The following CREB5 variants were observed in gnomAD, a reference collection of about 807,000 sequenced individuals.
CREB5 encodes the protein cyclic AMP-responsive element-binding protein 5.
Under a neutral mutation model 57.1 loss-of-function variants are expected in CREB5, and 19 were observed. That is an observed-to-expected ratio of 0.33 (90% CI 0.23 to 0.49). The LOEUF (loss-of-function observed/expected upper bound fraction) is 0.49, where lower values mean the gene tolerates loss of function less well. CREB5 is among the 20% of genes least tolerant of loss of function. The pLI is 0.99. For missense variants in CREB5, 579 were observed against 671.6 expected (o/e 0.86, Z 1.52); for synonymous variants, 238 against 238.3 (o/e 1.00, Z 0.01).
intron 5 of CREB5, among the ~76,000 whole-genome samples, chr7:28,593,313 A>G (rs1351658484): frequency 2.6e-5 from 4 of 152,136 alleles, no homozygotes; most frequent in South Asian, 4.1e-4. Context: ...CAGTGGCATG[A>G]TCTCGGCTCA....
intron 1 of CREB5, among the ~76,000 whole-genome samples, chr7:28,449,726 C>T (rs907347570): frequency 3.3e-5 from 5 of 152,138 alleles, no homozygotes; most frequent in African/African-American, 7.2e-5. Context: ...GACCTGAGGT[C>T]GTAACTCAAG....
intron 5 of CREB5, among the ~76,000 whole-genome samples, chr7:28,575,899 G>A (rs1795892126): frequency 6.6e-6 from 1 of 152,040 alleles, no homozygotes; most frequent in Non-Finnish European, 1.5e-5. Context: ...TCCACTCACG[G>A]GGTTTTATGT....
intron 5 of CREB5, among the ~76,000 whole-genome samples, chr7:28,711,796 A>G (rs1211098971): frequency 6.6e-6 from 1 of 152,210 alleles, no homozygotes; most frequent in Non-Finnish European, 1.5e-5. Context: ...AATATCTTAC[A>G]TGCAGCCAGT....
At chr7:28,432,147 T>C (rs1018293581) in intron 1 of CREB5, among the ~76,000 whole-genome samples, 2 of 152,178 alleles carry the variant, frequency 1.3e-5, no homozygotes, top group Non-Finnish European at 2.9e-5. Context: ...GTTATAATTA[T>C]GCAATGTGTT....
intron 2 of CREB5, among the ~76,000 whole-genome samples, chr7:28,490,893 C>G (rs960918628): frequency 7.3e-6 from 1 of 137,084 alleles, no homozygotes; most frequent in South Asian, 2.3e-4. Flanking sequence ...TGCTGTAAAC[C>G]CTTCTTCTTT....
At chr7:28,329,101 A>C (rs1403267553) in intron 1 of CREB5, among the ~76,000 whole-genome samples, 1 of 152,222 alleles carries the variant, frequency 6.6e-6, no homozygotes. Context: ...TCACTGGTTC[A>C]TTCTGTAAAG....
intron 1 of CREB5, among the ~76,000 whole-genome samples, chr7:28,442,714 C>T (rs1317270869): frequency 6.6e-6 from 1 of 152,018 alleles, no homozygotes; most frequent in African/African-American, 2.4e-5. Flanking sequence ...GAGTTTTAAC[C>T]ACTAAGTTGT....
At chr7:28,325,973 A>G (rs1207997551) in intron 1 of CREB5, among the ~76,000 whole-genome samples, 1 of 152,190 alleles carries the variant, frequency 6.6e-6, no homozygotes, top group African/African-American at 2.4e-5. Context: ...ATTCTGCCAC[A>G]GAAAGATGTT....
intron 7 of CREB5, among the ~76,000 whole-genome samples, chr7:28,784,678 G>A (rs11514759): frequency 1.3e-5 from 2 of 151,928 alleles, no homozygotes; most frequent in African/African-American, 4.8e-5. Flanking sequence ...GGCAGGAAAG[G>A]TTCGGATATG....
chr7:28,540,490 G>A lies in CREB5; in HGVS notation c.292-29875G>A, dbSNP rs948024720. ...AGCACAGTAGTCTGAGGCTGCACAA[G>A]GGATACGGGAGGAGGCTTCATGATT... On this transcript the variant is annotated intron_variant, in intron 4 of 10. Coordinates refer to ENST00000357727, the MANE Select transcript of CREB5 (RefSeq NM_182898.4). Among the ~76,000 whole-genome samples the A allele has an allele frequency of 2.0e-5, 3 of 152,126 alleles. No homozygotes were observed. In the East Asian group the frequency reaches 5.8e-4, roughly 29 times the overall value.
At position 28,390,474 on chromosome 7, in the gene CREB5, A is replaced by T. The variant is rs541537004; in HGVS notation, c.-25+91033A>T. Among the ~76,000 whole-genome samples, 8 of 152,330 alleles carry T rather than the reference A, an allele frequency of 5.3e-5. No individual in the cohort carries two copies. The South Asian group carries it at 1.7e-3, about 32-fold the overall frequency. On this transcript the variant is annotated intron_variant, in intron 1 of 9. Coordinates refer to the CREB5 transcript ENST00000396299. ...CTTGCCAAACGTGGTACTGAAAAGA[A>T]ATCTTTCCTTTTGGAGCCTCTGATG...
chr7:28,460,616 C>G (rs981693435), intron 1 of CREB5, among the ~76,000 whole-genome samples: 8 of 152,074 alleles, frequency 5.3e-5, no homozygotes, highest in African/African-American at 1.9e-4. Context: ...GGTGGGGTAT[C>G]CATCATGAAG....
chr7:28,743,477 G>A (rs1804495407), intron 7 of CREB5, among the ~76,000 whole-genome samples: 1 of 152,168 alleles, frequency 6.6e-6, no homozygotes, highest in African/African-American at 2.4e-5. Context: ...AGGCTGCAGT[G>A]AGCTGTGATT....
At chr7:28,412,479 C>T (rs1203959865), upstream of CREB5, 1 of 155,068 alleles carries the variant, frequency 6.4e-6, no homozygotes, top group Non-Finnish European at 1.4e-5. Flanking sequence ...TGCTGCGTAG[C>T]GCAGGAGTAT....
At chr7:28,668,376 C>T (rs371299320) in intron 5 of CREB5, among the ~76,000 whole-genome samples, 56 of 152,058 alleles carry the variant, frequency 3.7e-4, no homozygotes, top group African/African-American at 9.9e-4. Context: ...TTGTAAACAT[C>T]TCTGGACATG....
Position 28,560,941 on chromosome 7 carries a change from C to CGT in CREB5, c.292-9416_292-9415dup, listed in dbSNP as rs1301747861. ...GTGTGTGCGCGTGCGTGTGTGCGTG[C>CGT]GTGTGTGTGCGTGTGTGTGCGTGTG... is the stretch of plus-strand genomic sequence containing the variant. On this transcript the variant is annotated intron_variant, in intron 4 of 10. Coordinates refer to ENST00000357727, the MANE Select transcript of CREB5 (RefSeq NM_182898.4). Among the ~76,000 whole-genome samples, 35 of 44,664 alleles carry CGT rather than the reference C, an allele frequency of 7.8e-4. 1 individual carries two copies. The highest frequency in any genetic ancestry group is 2.7e-3 in the African/African-American group (25 of 9,234). 29.3% of individuals were successfully genotyped at this position (44,664 alleles called of 152,430 possible).
At position 28,718,748 on chromosome 7, in the gene CREB5, C is replaced by G; in HGVS notation, c.465-5C>G. On this transcript the variant is annotated splice_region_variant and splice_polypyrimidine_tract_variant and intron_variant, in intron 5 of 10. Coordinates refer to ENST00000357727, the MANE Select transcript of CREB5 (RefSeq NM_182898.4). The stretch of plus-strand genomic sequence containing the variant: ...CATGTTTGTTTGTTTTTTTCTTTGT[C>G]CCAGGCCTGTCCCAGGCTCTCTATC... 1 of 1,613,554 alleles carries G rather than the reference C, an allele frequency of 6.2e-7. No individual in the cohort carries two copies. Among genetic ancestry groups the G allele is most frequent in the Non-Finnish European group, 8.5e-7 (1 of 1,179,858 alleles).
At position 28,760,489 on chromosome 7, in the gene CREB5, G is replaced by A. The variant is rs191744479; in HGVS notation, c.702+36157G>A. Among the ~76,000 whole-genome samples the A allele has an allele frequency of 9.2e-5, 14 of 152,240 alleles. No homozygotes were observed. The East Asian group carries it at 1.9e-3, about 21-fold the overall frequency. On this transcript the variant is annotated intron_variant, in intron 7 of 10. Transcript: ENST00000357727. ...TTTTTCTTCAACCGATGCTGCCTCCGCATGTTTGTGTTCATCTGATGGGCA... is the reference window on the plus strand; with the variant it reads ...TTTTTCTTCAACCGATGCTGCCTCCACATGTTTGTGTTCATCTGATGGGCA...
chr7:28,625,974 T>C (rs536595014), intron 5 of CREB5, among the ~76,000 whole-genome samples: 69 of 152,242 alleles, frequency 4.5e-4, no homozygotes, highest in Non-Finnish European at 6.6e-4. Context: ...CATATGCTTT[T>C]CTTCAACTAA....
Sources: allele counts gnomAD v4.1 joint callset (sites outside exome capture counted in the v4.1 genomes callset), GRCh38; gene constraint gnomAD v4.1.1; transcripts MANE v1.5; gene names NCBI Gene and HGNC (gene_info 2026-07-23, HGNC 2026-07-21).